ZNF407: variants seen among roughly 807,000 people sequenced by gnomAD.
The protein encoded by ZNF407 is zinc finger protein 407.
In ZNF407, 17 loss-of-function variants were observed where a neutral mutation model predicts 131.2. The ratio of observed to expected loss-of-function variants is 0.13; its 90% CI spans 0.09 to 0.19. The LOEUF (loss-of-function observed/expected upper bound fraction) is 0.19. Ranked by LOEUF, ZNF407 falls within the 10% of genes least tolerant of loss-of-function variation. The pLI is 1.00. For missense variants in ZNF407, 2,681 were observed against 2,830.6 expected (o/e 0.95, Z 1.20); for synonymous variants, 1,156 against 1,062.0 (o/e 1.09, Z -1.72).
At chr18:74,700,425 C>T (rs1967464391) in intron 3 of ZNF407, among the ~76,000 whole-genome samples, 1 of 152,170 alleles carries the variant, frequency 6.6e-6, no homozygotes, top group Non-Finnish European at 1.5e-5. Flanking sequence ...GTGCTTTTCG[C>T]AAAGAGTATC....
chr18:74,709,840 C>A (rs1261587406), intron 3 of ZNF407, among the ~76,000 whole-genome samples: 1 of 152,176 alleles, frequency 6.6e-6, no homozygotes, highest in Admixed American at 6.5e-5. Flanking sequence ...TCACTATCAA[C>A]AAGCATCATG....
chr18:74,632,203 T>C lies in ZNF407; in HGVS notation c.1184T>C (p.Leu395Ser). 2.5e-6 allele frequency: 4 copies of C among 1,613,882 alleles called. No homozygotes were observed. The highest frequency in any genetic ancestry group is 3.4e-6 in the Non-Finnish European group (4 of 1,179,872). The change falls in exon 2 of 9, where the codon TTG (leucine) becomes TCG (serine). Residue 395 changes from leucine to serine, a missense_variant. This residue lies in a region of ZNF407 where 1,789 missense variants were observed against 1,748.7 expected (regional missense o/e 1.02). Coordinates refer to ENST00000299687, the MANE Select transcript of ZNF407 (RefSeq NM_017757.3). ...ACCTCAGAGGGTCTCTTAGAGAAAT[T>C]GGAATCTACAAAAAATACCCTTCAG... ...LVTSEGLLEK[L>S]ESTKNTLQAA...
chr18:74,614,126 A>G (rs1244878217), intron 1 of ZNF407, among the ~76,000 whole-genome samples: 1 of 152,248 alleles, frequency 6.6e-6, no homozygotes, highest in Non-Finnish European at 1.5e-5. Flanking sequence ...AATTTGAAAT[A>G]TAATTTTAAA....
Position 74,632,926 on chromosome 18 carries a change from C to T in ZNF407, c.1907C>T (p.Thr636Ile), listed in dbSNP as rs774946239. 1.2e-6 allele frequency: 2 copies of T among 1,613,124 alleles called. No homozygotes were observed. Among genetic ancestry groups the T allele is most frequent in the Non-Finnish European group, 1.7e-6 (2 of 1,179,672 alleles). The change falls in exon 2 of 9, where the codon ACC becomes ATC. Residue 636 changes from threonine to isoleucine, a missense_variant. Transcript: ENST00000299687. ...SEKDVEEHKA[T>I]EKHINSLVQP... ...AAAGATGTGGAAGAACACAAAGCCA[C>T]CGAGAAGCATATTAATTCATTGGTT... is the stretch of plus-strand genomic sequence containing the variant.
intron 4 of ZNF407, among the ~76,000 whole-genome samples, chr18:74,854,675 C>T (rs1424168081): frequency 6.6e-6 from 1 of 151,378 alleles, no homozygotes; most frequent in African/African-American, 2.4e-5. Context: ...TCAAATATTT[C>T]ATACATACAA....
intron 3 of ZNF407, among the ~76,000 whole-genome samples, chr18:74,772,441 A>G (rs890761378): frequency 1.3e-5 from 2 of 152,176 alleles, no homozygotes; most frequent in African/African-American, 4.8e-5. Flanking sequence ...GAATAAACAC[A>G]CATAGGATTT....
At chr18:75,051,707 AAAG>A (rs1284120085) in intron 8 of ZNF407, among the ~76,000 whole-genome samples, 4 of 152,368 alleles carry the variant, frequency 2.6e-5, no homozygotes, top group African/African-American at 9.6e-5. Context: ...AACAGCTCTT[AAAG>A]AATTAACAAG....
intron 4 of ZNF407, among the ~76,000 whole-genome samples, chr18:74,831,190 G>A (rs964293997): frequency 6.6e-6 from 1 of 152,112 alleles, no homozygotes; most frequent in Non-Finnish European, 1.5e-5. Context: ...GGACACCTAG[G>A]TTGACTGCAT....
chr18:75,029,851 A>G (rs112108684), intron 8 of ZNF407, among the ~76,000 whole-genome samples: 1 of 152,366 alleles, frequency 6.6e-6, no homozygotes, highest in African/African-American at 2.4e-5. Flanking sequence ...CTTCAAACTC[A>G]AAGTCCATAA....
Position 74,632,794 on chromosome 18 carries a change from G to A in ZNF407, c.1775G>A (p.Cys592Tyr). 6.2e-7 allele frequency: 1 copy of A among 1,613,970 alleles called. No homozygotes were observed. Among genetic ancestry groups the A allele is most frequent in the Non-Finnish European group, 8.5e-7 (1 of 1,179,890 alleles). The stretch of plus-strand genomic sequence containing the variant: ...ACTGCTTCTGTCCTGAGTTGTCAGT[G>A]TTGTTCATTTATATCCTTGGATGAA... The part of the protein sequence containing the change: ...QQTASVLSCQ[C>Y]CSFISLDEIN... Residue 592 changes from cysteine to tyrosine, a missense_variant, in exon 2 of 9, where the codon TGT becomes TAT. By Grantham distance (194) the Cys-to-Tyr change is radical. Transcript: ENST00000299687.
At chr18:74,704,874 G>C (rs1218215387) in intron 3 of ZNF407, among the ~76,000 whole-genome samples, 8 of 152,150 alleles carry the variant, frequency 5.3e-5, no homozygotes, top group Non-Finnish European at 1.5e-5. Context: ...ATTGAGCCTT[G>C]GCTCCTAACA....
intron 8 of ZNF407, among the ~76,000 whole-genome samples, chr18:74,955,892 A>G (rs1972270039): frequency 6.6e-6 from 1 of 152,214 alleles, no homozygotes; most frequent in Admixed American, 6.5e-5. Flanking sequence ...CAGAGTCCAC[A>G]GGAGACCATC....
chr18:74,794,583 A>G (rs527340557), intron 4 of ZNF407, among the ~76,000 whole-genome samples: 25 of 152,252 alleles, frequency 1.6e-4, no homozygotes, highest in African/African-American at 5.5e-4. Flanking sequence ...GAATCATGCA[A>G]TTTTGGATTT....
chr18:75,007,962 A>G (rs1484528277), intron 8 of ZNF407, among the ~76,000 whole-genome samples: 2 of 152,170 alleles, frequency 1.3e-5, no homozygotes, highest in African/African-American at 2.4e-5. Context: ...GGAAAGGTAA[A>G]TGGTTTTCTC....
chr18:74,680,400 TAAA>T, intron 3 of ZNF407, among the ~76,000 whole-genome samples: 1 of 137,608 alleles, frequency 7.3e-6, no homozygotes. Flanking sequence ...GACCTTGCCT[TAAA>T]AAAAAAAAAA....
At chr18:74,963,305 T>C (rs1202977930) in intron 8 of ZNF407, among the ~76,000 whole-genome samples, 3 of 152,198 alleles carry the variant, frequency 2.0e-5, no homozygotes, top group African/African-American at 7.2e-5. Context: ...TGAAGTATGG[T>C]CCTGTGTAAT....
At chr18:74,930,250 A>G (rs754779010) in intron 8 of ZNF407, among the ~76,000 whole-genome samples, 2 of 152,196 alleles carry the variant, frequency 1.3e-5, no homozygotes, top group Non-Finnish European at 2.9e-5. Context: ...TGTGATGTTT[A>G]CTCATGATTT....
intron 3 of ZNF407, among the ~76,000 whole-genome samples, chr18:74,692,053 CA>C (rs1967235708): frequency 6.6e-6 from 1 of 152,158 alleles, no homozygotes; most frequent in South Asian, 2.1e-4. Context: ...GTGGTTGCGC[CA>C]CTGCACTCCA....
chr18:75,031,869 G>C (rs1973244180), intron 8 of ZNF407, among the ~76,000 whole-genome samples: 1 of 152,144 alleles, frequency 6.6e-6, no homozygotes, highest in East Asian at 1.9e-4. Flanking sequence ...GAGTGAGAAA[G>C]GTACTTGGCA....
Sources: allele counts gnomAD v4.1 joint callset (sites outside exome capture counted in the v4.1 genomes callset), GRCh38; gene constraint gnomAD v4.1.1; regional missense constraint gnomAD v4.1.1; transcripts MANE v1.5; gene names NCBI Gene and HGNC (gene_info 2026-07-23, HGNC 2026-07-21).